PCDH15: variants seen among roughly 807,000 people sequenced by gnomAD.
The protein encoded by PCDH15 is protocadherin-15.
Under a neutral mutation model 178.5 loss-of-function variants are expected in PCDH15, and 129 were observed. The observed-to-expected ratio is 0.72, with a 90% CI of 0.63 to 0.84. The LOEUF is 0.84. PCDH15 is among the 40% of genes least tolerant of loss of function. The probability of loss-of-function intolerance (pLI) is 0.00; values close to 1 mark genes in which losing one functional copy is unlikely to be tolerated. For missense variants in PCDH15, 2,230 were observed against 2,099.9 expected, an observed-to-expected ratio of 1.06 and a Z score of -1.21; for synonymous variants, 800 against 732.0, an observed-to-expected ratio of 1.09 and a Z score of -1.50.
chr10:54,837,414 G>A (rs184335766), intron 3 of PCDH15, among the ~76,000 whole-genome samples: 134 of 152,170 alleles, frequency 8.8e-4, no homozygotes, highest in Non-Finnish European at 1.5e-3. Context: ...ATAAACTCAA[G>A]TAGTATTAGA....
intron 23 of PCDH15, among the ~76,000 whole-genome samples, chr10:53,944,088 A>G (rs2086317396): frequency 6.6e-6 from 1 of 152,162 alleles, no homozygotes; most frequent in African/African-American, 2.4e-5. Context: ...CAAATTGAAT[A>G]AAATGGGCTG....
At chr10:53,865,318 G>A (rs901862875) in intron 27 of PCDH15, among the ~76,000 whole-genome samples, 5 of 152,112 alleles carry the variant, frequency 3.3e-5, no homozygotes, top group Admixed American at 6.5e-5. Flanking sequence ...CAGTAAACAA[G>A]AAAGAGAACA....
intron 3 of PCDH15, among the ~76,000 whole-genome samples, chr10:54,830,264 G>T (rs1953200758): frequency 6.6e-6 from 1 of 152,074 alleles, no homozygotes; most frequent in Non-Finnish European, 1.5e-5. Flanking sequence ...AAATCATGCT[G>T]CTATAAAGAC....
chr10:54,005,277 C>T (rs2092345033), intron 20 of PCDH15, among the ~76,000 whole-genome samples: 1 of 151,998 alleles, frequency 6.6e-6, no homozygotes, highest in African/African-American at 2.4e-5. Context: ...TAATACCTCA[C>T]AAGCACAGGC....
At chr10:54,278,391 C>A (rs10825295) in intron 8 of PCDH15, among the ~76,000 whole-genome samples, 73,365 of 151,046 alleles carry the variant, frequency 0.49, 18,901 homozygotes, top group Middle Eastern at 0.6. Context: ...TTTTCATTAG[C>A]CATAACGCTT....
At chr10:55,139,694 A>G (rs1387479248) in intron 2 of PCDH15, among the ~76,000 whole-genome samples, 4 of 152,038 alleles carry the variant, frequency 2.6e-5, no homozygotes, top group African/African-American at 9.6e-5. Flanking sequence ...ATTGCTATAC[A>G]TTAAGTATAT....
intron 13 of PCDH15, among the ~76,000 whole-genome samples, chr10:54,163,286 G>A (rs1017673014): frequency 3.3e-5 from 5 of 152,066 alleles, no homozygotes; most frequent in Admixed American, 1.3e-4. Context: ...ATGAAGAAAC[G>A]AGTTTTAATT....
chr10:55,133,782 A>G (rs533157799), intron 2 of PCDH15, among the ~76,000 whole-genome samples: 1 of 152,198 alleles, frequency 6.6e-6, no homozygotes, highest in Admixed American at 6.5e-5. Flanking sequence ...TTTTAGTTTT[A>G]GTTTTTTCAG....
chr10:54,600,419 T>C, intron 2 of PCDH15: 1 of 573,170 alleles, frequency 1.7e-6, no homozygotes, highest in South Asian at 1.4e-5. Context: ...GAGTAAGACA[T>C]TGTCACCAAT....
chr10:54,792,102 T>C (rs1434649177), intron 1 of PCDH15, among the ~76,000 whole-genome samples: 6 of 151,840 alleles, frequency 4.0e-5, no homozygotes, highest in Admixed American at 3.9e-4. Flanking sequence ...TGGCCCATAA[T>C]CTGGGGCAGG....
chr10:55,026,915 G>C (rs1442296244), intron 2 of PCDH15, among the ~76,000 whole-genome samples: 1 of 151,980 alleles, frequency 6.6e-6, no homozygotes, highest in Non-Finnish European at 1.5e-5. Flanking sequence ...GTTTTGGAAA[G>C]TGTGTATATT....
chr10:53,930,707 T>A (rs930427219), intron 25 of PCDH15, among the ~76,000 whole-genome samples: 1 of 152,128 alleles, frequency 6.6e-6, no homozygotes, highest in African/African-American at 2.4e-5. Context: ...CCCAGAGGCC[T>A]CCTTGCTCCT....
chr10:54,527,841 A>C lies in PCDH15; in HGVS notation c.128T>G (p.Ile43Arg). The C allele has an allele frequency of 6.2e-7, 1 of 1,611,954 alleles. No individual in the cohort carries two copies. Among genetic ancestry groups the C allele is most frequent in the Non-Finnish European group, 8.5e-7 (1 of 1,178,456 alleles). ...CCGACTTTCTTCATCAATAGCAACT[A>C]TGGTAGCTGGTGGTCCTCCCCTAGC... ...KLARGGPPAT[I>R]VAIDEESRNG... The change falls in exon 3 of 38, where the codon ATA (isoleucine) becomes AGA (arginine). Residue 43 changes from isoleucine (I) to arginine (R), a missense_variant. Coordinates refer to ENST00000644397, the MANE Select transcript of PCDH15 (RefSeq NM_001384140.1).
intron 8 of PCDH15, among the ~76,000 whole-genome samples, chr10:54,265,122 A>G (rs891540544): frequency 2.6e-5 from 4 of 152,154 alleles, no homozygotes; most frequent in Admixed American, 1.3e-4. Flanking sequence ...ACTCTAAAAG[A>G]AAAGACATTC....
At chr10:54,164,492 T>C (rs775335355) in intron 13 of PCDH15, among the ~76,000 whole-genome samples, 6 of 152,188 alleles carry the variant, frequency 3.9e-5, no homozygotes, top group Non-Finnish European at 5.9e-5. Context: ...TGTAAACTAA[T>C]ATACCCAGTT....
chr10:55,073,285 A>G (rs1209558861), intron 2 of PCDH15, among the ~76,000 whole-genome samples: 3 of 152,026 alleles, frequency 2.0e-5, no homozygotes, highest in Non-Finnish European at 2.9e-5. Context: ...AGGGTATTCA[A>G]TTAGGAAAAG....
intron 6 of PCDH15, among the ~76,000 whole-genome samples, chr10:54,343,185 T>G (rs1942578045): frequency 6.6e-6 from 1 of 152,164 alleles, no homozygotes; most frequent in Non-Finnish European, 1.5e-5. Context: ...GTGTCCCGAC[T>G]AAAATCTCAT....
intron 2 of PCDH15, among the ~76,000 whole-genome samples, chr10:55,467,761 C>T (rs1839862369): frequency 6.6e-6 from 1 of 151,410 alleles, no homozygotes; most frequent in South Asian, 2.1e-4. Context: ...GTCAGGAGAT[C>T]GAGATCATCC....
intron 29 of PCDH15, among the ~76,000 whole-genome samples, chr10:53,834,040 C>T (rs900236730): frequency 2.6e-5 from 4 of 152,010 alleles, no homozygotes; most frequent in Admixed American, 6.6e-5. Flanking sequence ...AAAAGTTATG[C>T]AAATGTGGTT....
Sources: gnomAD v4.1 joint callset for allele counts (sites outside exome capture counted in the v4.1 genomes callset) on GRCh38, gnomAD v4.1.1 for gene constraint, MANE v1.5 for transcripts, NCBI Gene and HGNC (gene_info 2026-07-23, HGNC 2026-07-21) for gene names.